Variants in ANTXR1 observed in about 807,000 individuals in gnomAD.
ANTXR1 encodes ANTXR cell adhesion molecule 1, also known as anthrax toxin receptor 1.
Under a neutral mutation model 78.1 loss-of-function variants are expected in ANTXR1, and 19 were observed. The observed-to-expected ratio is 0.24, with a 90% CI of 0.17 to 0.36. The LOEUF is 0.36. ANTXR1 is among the 10% of genes least tolerant of loss of function. ANTXR1 has a pLI of 1.00. For missense variants in ANTXR1, 518 were observed against 718.6 expected, an observed-to-expected ratio of 0.72 and a Z score of 3.19; for synonymous variants, 273 against 260.5, an observed-to-expected ratio of 1.05 and a Z score of -0.46.
rs138097717 is a variant in ANTXR1 at position 69,215,230 on chromosome 2, G to A, written c.1434+21815G>A. Among the ~76,000 whole-genome samples, 520 of 152,284 alleles carry A rather than the reference G, an allele frequency of 3.4e-3. 6 individuals are homozygous for A. Among genetic ancestry groups the A allele is most frequent in the African/African-American group, 0.012 (505 of 41,548 alleles). ...TGGAGGGGAAGCCCAGGGAAGCCCT[G>A]ATGAAATCTCTACTGGAAGGGTCTC... On this transcript the variant is annotated intron_variant, in intron 17 of 17. Coordinates refer to ENST00000303714, the MANE Select transcript of ANTXR1 (RefSeq NM_032208.3).
intron 3 of ANTXR1, among the ~76,000 whole-genome samples, chr2:69,068,942 G>A (rs1670486234): frequency 6.6e-6 from 1 of 152,178 alleles, no homozygotes; most frequent in Admixed American, 6.5e-5. Context: ...GGAAAGTCAA[G>A]TTAGTGGATC....
intron 7 of ANTXR1, 65 bp from the exon 8 acceptor site, chr2:69,077,343 C>G: frequency 6.3e-7 from 1 of 1,589,646 alleles, no homozygotes; most frequent in East Asian, 2.2e-5. Flanking sequence ...CAACGGCTTT[C>G]CTAAATTTTC....
In ANTXR1 at chr2:69,102,887, G is replaced by A. The variant is rs373792226; in HGVS notation, c.749G>A (p.Arg250His). Residue 250 changes from arginine to histidine, a missense_variant, in exon 10 of 18, where the codon CGC becomes CAC. Physicochemically the swap from Arg to His is conservative, Grantham distance 29 (BLOSUM62 0). Coordinates refer to ENST00000303714, the MANE Select transcript of ANTXR1 (RefSeq NM_032208.3). The stretch of plus-strand genomic sequence containing the variant: ...AGAGGAAACGGCTTCCGACATGCCC[G>A]CAACGTGGACAGGGTCCTCTGCAGC... ...VVRGNGFRHARNVDRVLCSFK... is the reference protein window; with the variant it reads ...VVRGNGFRHAHNVDRVLCSFK... 8.1e-6 allele frequency: 13 copies of A among 1,614,108 alleles called. No individual in the cohort carries two copies. The highest frequency in any genetic ancestry group is 2.2e-5 in the South Asian group (2 of 91,084).
rs573840031 is a variant in ANTXR1, at chr2:69,201,179, G to C, written c.1434+7764G>C. 2.0e-5 allele frequency among the ~76,000 whole-genome samples: 3 copies of C among 152,302 alleles called. No individual in the cohort carries two copies. In the East Asian group the frequency reaches 5.8e-4, roughly 29 times the overall value. ...CTCTGTGATGGAGCTGAGCACATGAGGTGTGGGAGCTATACCCAGGAAAGG... is the reference window on the plus strand; with the variant it reads ...CTCTGTGATGGAGCTGAGCACATGACGTGTGGGAGCTATACCCAGGAAAGG... On this transcript the variant is annotated intron_variant, in intron 17 of 17. Transcript: ENST00000303714.
intron 17 of ANTXR1, among the ~76,000 whole-genome samples, chr2:69,243,897 A>T (rs1216751667): frequency 6.6e-6 from 1 of 152,166 alleles, no homozygotes; most frequent in African/African-American, 2.4e-5. Context: ...GTAGGCATCC[A>T]GACATGCCAG....
intron 1 of ANTXR1, among the ~76,000 whole-genome samples, chr2:69,019,324 G>A (rs1486098976): frequency 1.3e-5 from 2 of 152,034 alleles, no homozygotes; most frequent in Admixed American, 6.5e-5. Flanking sequence ...TGATCATTTT[G>A]GTTATTGTAA....
intron 9 of ANTXR1, among the ~76,000 whole-genome samples, chr2:69,100,171 A>G (rs939292596): frequency 5.9e-5 from 9 of 152,218 alleles, no homozygotes; most frequent in Non-Finnish European, 2.9e-5. Context: ...GAGTTAAATC[A>G]CTATGTCCTG....
Position 69,073,113 on chromosome 2 carries a change from C to T in ANTXR1, c.492+12C>T. 6.2e-7 allele frequency: 1 copy of T among 1,613,500 alleles called. No homozygotes were observed. The highest frequency in any genetic ancestry group is 1.3e-5 in the African/African-American group (1 of 75,020). ...ATTCAGAGAGGGAGGTAAGCAACGG[C>T]CTGGCTGTGTCTAAACATATACATG... On this transcript the variant is annotated intron_variant, in intron 6 of 17. Coordinates refer to ENST00000303714, the MANE Select transcript of ANTXR1 (RefSeq NM_032208.3).
chr2:69,193,284 A>G, intron 16 of ANTXR1, 51 bp from the exon 17 acceptor site: 1 of 1,557,240 alleles, frequency 6.4e-7, no homozygotes, highest in Non-Finnish European at 8.9e-7. Flanking sequence ...TACGGCGGCT[A>G]GCCACAGGTC....
At chr2:69,181,984 AG>A in intron 15 of ANTXR1, 103 bp downstream of exon 15, 4 of 1,146,720 alleles carry the variant, frequency 3.5e-6, no homozygotes, top group Middle Eastern at 2.1e-4. Flanking sequence ...AGGCATGCCC[AG>A]GGCAGTATGG....
intron 10 of ANTXR1, among the ~76,000 whole-genome samples, chr2:69,110,209 G>A (rs541837145): frequency 6.6e-6 from 1 of 152,110 alleles, no homozygotes; most frequent in Non-Finnish European, 1.5e-5. Context: ...CCATTAAATC[G>A]TTAGGAAGGA....
At chr2:69,230,279 G>A (rs1010980916) in intron 17 of ANTXR1, among the ~76,000 whole-genome samples, 1 of 151,850 alleles carries the variant, frequency 6.6e-6, no homozygotes, top group South Asian at 2.1e-4. Flanking sequence ...CATCAGACAA[G>A]GAGGTTTTAT....
At chr2:69,203,678 TCA>T (rs1490766947) in intron 17 of ANTXR1, among the ~76,000 whole-genome samples, 1 of 152,000 alleles carries the variant, frequency 6.6e-6, no homozygotes, top group Non-Finnish European at 1.5e-5. Flanking sequence ...CTTCCAATCC[TCA>T]CAATCTGATC....
chr2:69,014,784 T>G (rs574837493), intron 1 of ANTXR1, among the ~76,000 whole-genome samples: 17 of 152,336 alleles, frequency 1.1e-4, no homozygotes, highest in Non-Finnish European at 1.9e-4. Flanking sequence ...GCTGGCTAGC[T>G]AGACACCAAA....
chr2:69,075,996 G>T (rs1394617201), intron 7 of ANTXR1, among the ~76,000 whole-genome samples: 1 of 152,074 alleles, frequency 6.6e-6, no homozygotes, highest in Non-Finnish European at 1.5e-5. Flanking sequence ...ACCCAGGCTG[G>T]GGTACAGTGA....
chr2:69,050,248 G>A (rs1305410973), intron 3 of ANTXR1, among the ~76,000 whole-genome samples: 3 of 152,152 alleles, frequency 2.0e-5, no homozygotes, highest in South Asian at 2.1e-4. Flanking sequence ...GCAGTGAGCC[G>A]TAATCATGCC....
chr2:69,145,446 C>T (rs1025396317), intron 12 of ANTXR1: 16 of 1,546,108 alleles, frequency 1.0e-5, no homozygotes, highest in African/African-American at 1.4e-5. Flanking sequence ...CAAACATGCT[C>T]GGTTTACACT....
At chr2:69,180,067 G>T (rs79260574) in intron 14 of ANTXR1, among the ~76,000 whole-genome samples, 24 of 152,286 alleles carry the variant, frequency 1.6e-4, no homozygotes, top group African/African-American at 5.8e-4. Context: ...TAAATTTTTT[G>T]AAAATCATTT....
At chr2:69,069,683 T>C (rs1670508420) in intron 3 of ANTXR1, among the ~76,000 whole-genome samples, 1 of 152,228 alleles carries the variant, frequency 6.6e-6, no homozygotes. Context: ...AGGACAGTAA[T>C]ACTCACTTTC....
Sources: allele counts gnomAD v4.1 joint callset (sites outside exome capture counted in the v4.1 genomes callset), GRCh38; gene constraint gnomAD v4.1.1; transcripts MANE v1.5; gene names NCBI Gene and HGNC (gene_info 2026-07-23, HGNC 2026-07-21).